The following RIMS1 variants were observed in gnomAD, a reference collection of about 807,000 sequenced individuals.
The protein encoded by RIMS1 is regulating synaptic membrane exocytosis 1.
Under a neutral mutation model 214.1 loss-of-function variants are expected in RIMS1, and 83 were observed. That is an observed-to-expected ratio of 0.39 (90% CI 0.32 to 0.47). RIMS1 has a LOEUF of 0.47. Among genes scored for constraint, RIMS1 ranks in the 20% least tolerant of loss-of-function variants. The pLI is 0.99. For synonymous variants in RIMS1, 793 were observed against 786.8 expected (o/e 1.01, Z -0.13); for missense variants, 2,050 against 2,161.8 (o/e 0.95, Z 1.03).
chr6:72,126,730 C>T, intron 4 of RIMS1: 1 of 235,532 alleles, frequency 4.2e-6, no homozygotes, highest in Non-Finnish European at 8.4e-6. Flanking sequence ...CAATGATATA[C>T]CACCTGCAAG....
chr6:72,345,863 G>T (rs937996998), intron 29 of RIMS1, among the ~76,000 whole-genome samples: 2 of 151,702 alleles, frequency 1.3e-5, no homozygotes, highest in African/African-American at 4.8e-5. Flanking sequence ...TAAGAGGGTG[G>T]TTGTTGGGAA....
Position 71,974,314 on chromosome 6 carries a change from T to C in RIMS1, c.245+5251T>C, listed in dbSNP as rs200280147. Among the ~76,000 whole-genome samples, 3 of 152,034 alleles carry C rather than the reference T, an allele frequency of 2.0e-5. No individual in the cohort carries two copies. In the East Asian group the frequency reaches 5.8e-4, roughly 29 times the overall value. On this transcript the variant is annotated intron_variant, in intron 2 of 33. Transcript: ENST00000521978. ...GGGAATTTGTGTGTGGGCATGCGTA[T>C]AGGTGTAAGTGTGTTAAAGAGGGAG...
In RIMS1 at chr6:72,368,455, A is replaced by ATTT. The variant is rs34921549; in HGVS notation, c.4367-22133_4367-22131dup. Among the ~76,000 whole-genome samples the ATTT allele has an allele frequency of 4.5e-3, 667 of 146,692 alleles. 2 individuals carry two copies. The highest frequency in any genetic ancestry group is 7.3e-3 in the South Asian group (33 of 4,548). On this transcript the variant is annotated intron_variant, in intron 29 of 33. Coordinates refer to ENST00000521978, the MANE Select transcript of RIMS1 (RefSeq NM_014989.7). ...TAGCTGGGACTACCACGCCCAGATA[A>ATTT]TTTTTTTTTTTTCTATTTTTAGTAG...
chr6:71,907,363 T>A (rs1326759364), intron 1 of RIMS1, among the ~76,000 whole-genome samples: 2 of 152,208 alleles, frequency 1.3e-5, no homozygotes, highest in African/African-American at 2.4e-5. Flanking sequence ...GAAAACTCAC[T>A]GTATAAGAAT....
intron 29 of RIMS1, among the ~76,000 whole-genome samples, chr6:72,351,086 T>C (rs1318353019): frequency 6.6e-6 from 1 of 152,158 alleles, no homozygotes; most frequent in Non-Finnish European, 1.5e-5. Context: ...CATATTTATA[T>C]ACATGGTATA....
chr6:72,122,232 T>A (rs1490462025), intron 4 of RIMS1, among the ~76,000 whole-genome samples: 4 of 126,280 alleles, frequency 3.2e-5, no homozygotes, highest in African/African-American at 6.1e-5. Flanking sequence ...TGAGATGGAG[T>A]CTCACTCTTT....
intron 1 of RIMS1, among the ~76,000 whole-genome samples, chr6:71,930,152 G>C (rs1220776068): frequency 1.3e-5 from 2 of 151,970 alleles, no homozygotes; most frequent in African/African-American, 2.4e-5. Context: ...TCATTATGTT[G>C]TTGTATTCTC....
intron 24 of RIMS1, among the ~76,000 whole-genome samples, chr6:72,287,102 C>A (rs1223628876): frequency 6.6e-6 from 1 of 152,150 alleles, no homozygotes; most frequent in Non-Finnish European, 1.5e-5. Context: ...TTCTGCATTC[C>A]ATTCTAGTGA....
intron 4 of RIMS1, among the ~76,000 whole-genome samples, chr6:72,158,140 T>C (rs1225473279): frequency 7.1e-6 from 1 of 141,086 alleles, no homozygotes; most frequent in African/African-American, 2.5e-5. Context: ...TCCATTTAGC[T>C]TCATTTTCCT....
intron 4 of RIMS1, among the ~76,000 whole-genome samples, chr6:72,170,815 C>T (rs1464624900): frequency 2.0e-5 from 3 of 151,982 alleles, no homozygotes; most frequent in African/African-American, 2.4e-5. Context: ...CTTTATATTG[C>T]AAAATAAAAT....
chr6:72,052,050 G>A (rs1038179464), intron 2 of RIMS1, among the ~76,000 whole-genome samples: 5 of 152,104 alleles, frequency 3.3e-5, no homozygotes, highest in East Asian at 1.9e-4. Flanking sequence ...ATGGCAAATC[G>A]CAGAATTCTA....
chr6:71,960,697 T>A (rs887606222), intron 1 of RIMS1, among the ~76,000 whole-genome samples: 29 of 152,176 alleles, frequency 1.9e-4, no homozygotes, highest in Non-Finnish European at 4.0e-4. Context: ...TTTCTTTTTT[T>A]AAAAAAACTC....
intron 2 of RIMS1, among the ~76,000 whole-genome samples, chr6:72,015,912 C>T (rs113597662): frequency 0.13 from 20,339 of 151,938 alleles, 1,423 homozygotes; most frequent in South Asian, 0.18. Flanking sequence ...GGTGACAGAG[C>T]GAGACTCTGT....
chr6:72,107,820 A>T (rs2035072147), intron 4 of RIMS1, among the ~76,000 whole-genome samples: 1 of 152,180 alleles, frequency 6.6e-6, no homozygotes, highest in Admixed American at 6.5e-5. Flanking sequence ...ATGTGTATTA[A>T]ATATTAATAG....
Position 72,217,639 on chromosome 6 carries a change from A to G in RIMS1, c.1679-16134A>G, listed in dbSNP as rs190121103. Among the ~76,000 whole-genome samples the G allele has an allele frequency of 7.2e-5, 11 of 152,362 alleles. No individual in the cohort carries two copies. In the East Asian group the frequency reaches 2.1e-3, roughly 29 times the overall value. ...GTCAGAGCTTAATCTTCTTGAAAATACAAAGATTTAAGTATATATAGATTG... is the reference window on the plus strand; with the variant it reads ...GTCAGAGCTTAATCTTCTTGAAAATGCAAAGATTTAAGTATATATAGATTG... On this transcript the variant is annotated intron_variant, in intron 6 of 33. Coordinates refer to ENST00000521978, the MANE Select transcript of RIMS1 (RefSeq NM_014989.7).
chr6:72,200,102 G>A (rs1040834513), intron 6 of RIMS1, among the ~76,000 whole-genome samples: 2 of 152,036 alleles, frequency 1.3e-5, no homozygotes, highest in African/African-American at 4.8e-5. Flanking sequence ...TAAATTGCAA[G>A]TAACCAATTT....
At position 72,333,663 on chromosome 6, in the gene RIMS1, C is replaced by G; in HGVS notation, c.4194C>G (p.Ser1398Arg). 1 of 1,597,306 alleles carries G rather than the reference C, an allele frequency of 6.3e-7. No homozygotes were observed. The highest frequency in any genetic ancestry group is 1.3e-5 in the African/African-American group (1 of 74,590). The stretch of plus-strand genomic sequence containing the variant: ...CTTCAGGAAGATCCATCATGAAGAG[C>G]ACCAGTGTCAGTGGAGAGATGTACA... ...MGTSGRSIMK[S>R]TSVSGEMYTL... is the part of the protein sequence containing the mutation. The change falls in exon 29 of 34, where the codon AGC (serine) becomes AGG (arginine). Residue 1398 changes from serine (S) to arginine (R), a missense_variant. Ser to Arg is a moderately radical substitution (Grantham distance 110). Coordinates refer to ENST00000521978, the MANE Select transcript of RIMS1 (RefSeq NM_014989.7).
At chr6:72,196,272 G>T (rs972154647) in intron 6 of RIMS1, among the ~76,000 whole-genome samples, 2 of 151,920 alleles carry the variant, frequency 1.3e-5, no homozygotes, top group African/African-American at 4.8e-5. Flanking sequence ...TATCTAAAAA[G>T]AACCTACTGC....
chr6:71,893,023 T>A (rs1770439420), intron 1 of RIMS1, among the ~76,000 whole-genome samples: 1 of 152,240 alleles, frequency 6.6e-6, no homozygotes, highest in Non-Finnish European at 1.5e-5. Context: ...TCTGTGAAGC[T>A]TTAAAATGAT....
Sources: gnomAD v4.1 joint callset for allele counts (sites outside exome capture counted in the v4.1 genomes callset) on GRCh38, gnomAD v4.1.1 for gene constraint, MANE v1.5 for transcripts, NCBI Gene and HGNC (gene_info 2026-07-23, HGNC 2026-07-21) for gene names.